The following UBE3C variants were observed in gnomAD, a reference collection of about 807,000 sequenced individuals.
UBE3C encodes ubiquitin protein ligase E3C.
UBE3C carries 42 observed loss-of-function variants against 129.4 expected under a neutral mutation model. That is an observed-to-expected ratio of 0.32 (90% CI 0.25 to 0.42). The LOEUF is 0.42. Among genes scored for constraint, UBE3C ranks in the 10% least tolerant of loss-of-function variants. UBE3C has a pLI of 1.00. For missense variants in UBE3C, 1,049 were observed against 1,319.1 expected (o/e 0.80, Z 3.17); for synonymous variants, 510 against 492.4 (o/e 1.04, Z -0.47).
chr7:157,218,709 A>G (rs1413001476), intron 14 of UBE3C, among the ~76,000 whole-genome samples: 1 of 152,064 alleles, frequency 6.6e-6, no homozygotes, highest in African/African-American at 2.4e-5. Context: ...TCTGGGGAAG[A>G]CCCTGCAAGA....
At chr7:157,146,012 T>A (rs1807594787) in intron 1 of UBE3C, among the ~76,000 whole-genome samples, 1 of 152,220 alleles carries the variant, frequency 6.6e-6, no homozygotes, top group African/African-American at 2.4e-5. Context: ...CTAGATTTTC[T>A]CGTATTTTCT....
rs191791583 is a variant in UBE3C at position 157,215,416 on chromosome 7, T to G, written c.1810-1451T>G. ...TTAAAGGGAAATCTCAACAATTGAT[T>G]GTGTGATCTTTATAATGTATAATAT... On this transcript the variant is annotated intron_variant, in intron 13 of 22. Transcript: ENST00000348165. 3.3e-3 allele frequency among the ~76,000 whole-genome samples: 492 copies of G among 150,794 alleles called. 8 individuals carry two copies. Among genetic ancestry groups the G allele is most frequent in the Non-Finnish European group, 1.2e-3 (78 of 67,728 alleles).
At chr7:157,205,336 C>T (rs1026009645) in intron 11 of UBE3C, among the ~76,000 whole-genome samples, 1 of 152,064 alleles carries the variant, frequency 6.6e-6, no homozygotes, top group African/African-American at 2.4e-5. Flanking sequence ...TTACCCTGTC[C>T]CTTTTTTTTT....
intron 3 of UBE3C, 71 bp downstream of exon 3, chr7:157,169,193 C>A: frequency 8.3e-7 from 1 of 1,200,122 alleles, no homozygotes; most frequent in South Asian, 1.3e-5. Flanking sequence ...TATCTTTGTA[C>A]ACCTTGTTAA....
intron 16 of UBE3C, among the ~76,000 whole-genome samples, chr7:157,225,167 C>A (rs568288295): frequency 6.6e-6 from 1 of 151,782 alleles, no homozygotes; most frequent in African/African-American, 2.4e-5. Context: ...TGTGCCTGGC[C>A]GGATTTTTAA....
chr7:157,211,423 A>T lies in UBE3C; in HGVS notation c.1809+3488A>T, dbSNP rs1444376351. 3.3e-5 allele frequency among the ~76,000 whole-genome samples: 5 copies of T among 152,194 alleles called. 1 individual carries two copies. The highest frequency in any genetic ancestry group is 1.2e-4 in the African/African-American group (5 of 41,446). On this transcript the variant is annotated intron_variant, in intron 13 of 22. Coordinates refer to ENST00000348165, the MANE Select transcript of UBE3C (RefSeq NM_014671.3). ...TTGATTTTGTTTTTGTTTTTTGACT[A>T]CTAAAGTGGATGCTATATGCAGTAA... is the stretch of plus-strand genomic sequence containing the variant.
At chr7:157,253,892 T>C (rs1191576514) in intron 19 of UBE3C, 62 bp from the exon 20 acceptor site, 2 of 1,440,962 alleles carry the variant, frequency 1.4e-6, no homozygotes, top group East Asian at 2.3e-5. Context: ...GTTTCTTGCT[T>C]TTTTTTTTAA....
chr7:157,254,860 C>T (rs187537773), intron 21 of UBE3C, among the ~76,000 whole-genome samples: 212 of 152,108 alleles, frequency 1.4e-3, no homozygotes, highest in African/African-American at 4.8e-3. Flanking sequence ...GGCAATGTGG[C>T]GAAATCCCAT....
chr7:157,248,274 A>T, intron 18 of UBE3C, 94 bp from the exon 19 acceptor site: 1 of 1,123,472 alleles, frequency 8.9e-7, no homozygotes, highest in Non-Finnish European at 1.3e-6. Context: ...CTGCTCTCTT[A>T]GGATTGGGTT....
Position 157,269,313 on chromosome 7 carries a change from T to C in UBE3C, c.*1558T>C, listed in dbSNP as rs556076784. 2.0e-5 allele frequency: 3 copies of C among 152,332 alleles called. No homozygotes were observed. Among genetic ancestry groups the C allele is most frequent in the African/African-American group, 4.8e-5 (2 of 41,462 alleles). 9.4% of individuals were successfully genotyped at this position (152,332 alleles called of 1,614,324 possible). On this transcript the variant is annotated 3_prime_UTR_variant, in exon 23 of 23. Transcript: ENST00000348165. ...TTTTTTCTCAGCTATTCTGAGCTTA[T>C]TTATTTATTTGTATGTTCTAATGGC...
chr7:157,190,342 G>A (rs1808922122), intron 10 of UBE3C, among the ~76,000 whole-genome samples: 1 of 151,654 alleles, frequency 6.6e-6, no homozygotes, highest in Non-Finnish European at 1.5e-5. Context: ...CCCTGTTTTG[G>A]TGAACAGGCC....
intron 14 of UBE3C, among the ~76,000 whole-genome samples, chr7:157,217,623 C>T (rs1012846725): frequency 5.9e-5 from 9 of 151,754 alleles, no homozygotes; most frequent in Non-Finnish European, 1.2e-4. Context: ...TCACTTAAAG[C>T]CAGGAGTTTG....
intron 10 of UBE3C, among the ~76,000 whole-genome samples, chr7:157,191,654 T>C (rs1156777881): frequency 6.6e-6 from 1 of 152,208 alleles, no homozygotes; most frequent in African/African-American, 2.4e-5. Context: ...CTGTGGTGTA[T>C]GTGGTGGGGA....
At chr7:157,175,600 A>G (rs1808496158) in intron 5 of UBE3C, among the ~76,000 whole-genome samples, 1 of 152,182 alleles carries the variant, frequency 6.6e-6, no homozygotes. Context: ...AAAATTTTCA[A>G]ATGATCCTGA....
In UBE3C at chr7:157,197,879, C is replaced by A. The variant is rs955463088; in HGVS notation, c.1332-3842C>A. The stretch of plus-strand genomic sequence containing the variant: ...CAACCGCGTTAAGTATTGATTTATC[C>A]TCCTCTTCTGGAGAGGAAGGTGTAC... On this transcript the variant is annotated intron_variant, in intron 10 of 22. Coordinates refer to ENST00000348165, the MANE Select transcript of UBE3C (RefSeq NM_014671.3). 5.5e-5 allele frequency: 88 copies of A among 1,604,826 alleles called. 1 individual carries two copies. The South Asian group carries it at 9.0e-4, about 16-fold the overall frequency.
chr7:157,231,046 C>G (rs1414555148), intron 17 of UBE3C, 34 bp from the exon 18 acceptor site: 2 of 1,608,180 alleles, frequency 1.2e-6, no homozygotes, highest in Non-Finnish European at 1.7e-6. Flanking sequence ...CTTGTAACAT[C>G]TTTCCTCCTC....
chr7:157,252,374 A>C (rs1271265154), intron 19 of UBE3C, among the ~76,000 whole-genome samples: 10 of 152,360 alleles, frequency 6.6e-5, no homozygotes, highest in African/African-American at 2.4e-4. Flanking sequence ...AGCTGAGTAC[A>C]AGCAAAGGAA....
intron 1 of UBE3C, among the ~76,000 whole-genome samples, chr7:157,142,457 A>G (rs888500806): frequency 6.6e-6 from 1 of 152,238 alleles, no homozygotes; most frequent in African/African-American, 2.4e-5. Flanking sequence ...TAATTGCTAC[A>G]TTCTAAATTT....
rs1455543998 is a variant in UBE3C, at chr7:157,257,011, A to C, written c.3048A>C (p.Thr1016=). The part of the protein sequence containing the change: ...EEKRKLLKFV[T]SCSRPPLLGF... ...AGCGCAAACTGCTGAAGTTTGTAACAAGCTGCTCTCGACCCCCTCTCTTGG... is the reference window on the plus strand; with the variant it reads ...AGCGCAAACTGCTGAAGTTTGTAACCAGCTGCTCTCGACCCCCTCTCTTGG... The change falls in exon 22 of 23, where the codon ACA becomes ACC. Residue 1016 remains threonine, a synonymous_variant. Coordinates refer to ENST00000348165, the MANE Select transcript of UBE3C (RefSeq NM_014671.3). 9 of 1,614,102 alleles carry C rather than the reference A, an allele frequency of 5.6e-6. No homozygotes were observed. Among genetic ancestry groups the C allele is most frequent in the Middle Eastern group, 3.3e-4 (2 of 6,084 alleles).
Sources: gnomAD v4.1 joint callset for allele counts (sites outside exome capture counted in the v4.1 genomes callset) on GRCh38, gnomAD v4.1.1 for gene constraint, MANE v1.5 for transcripts, NCBI Gene and HGNC (gene_info 2026-07-23, HGNC 2026-07-21) for gene names.